The following PLD1 variants were observed in gnomAD, a reference collection of about 807,000 sequenced individuals.
PLD1 encodes the protein choline phosphatase 1.
A neutral mutation model predicts 137.1 loss-of-function variants in PLD1; 112 were observed. That is an observed-to-expected ratio of 0.82 (90% CI 0.70 to 0.96). PLD1 has a LOEUF of 0.96. Ranked by LOEUF, PLD1 falls within the 40% of genes least tolerant of loss-of-function variation. PLD1 has a pLI of 0.00. For missense variants in PLD1, 1,321 were observed against 1,342.0 expected, an observed-to-expected ratio of 0.98 and a Z score of 0.24; for synonymous variants, 431 against 454.7, an observed-to-expected ratio of 0.95 and a Z score of 0.66.
Position 171,659,266 on chromosome 3 carries a change from A to C in PLD1, c.2376T>G (p.Val792=). 1.2e-6 allele frequency: 2 copies of C among 1,613,694 alleles called. No individual in the cohort carries two copies. Among genetic ancestry groups the C allele is most frequent in the African/African-American group, 2.7e-5 (2 of 75,062 alleles). The part of the protein sequence containing the change: ...QFFISCADDK[V]VFNKIGDAIA... ...TGGCATCGCCTATCTTGTTGAACACAACTTTGTCATCAGCACAGCTTATGA... is the reference window on the plus strand; with the variant it reads ...TGGCATCGCCTATCTTGTTGAACACCACTTTGTCATCAGCACAGCTTATGA... Residue 792 remains valine, a synonymous_variant, in exon 21 of 27, where the codon GTT becomes GTG. Transcript: ENST00000351298.
Position 171,776,803 on chromosome 3 carries a change from C to G in PLD1, c.-32+33596G>C, listed in dbSNP as rs141448410. ...AATTGCTCTGAAATCTATTCTAACC[C>G]TGCAAAGTGTAGCATCATTTTGTAA... On this transcript the variant is annotated intron_variant, in intron 1 of 26. Transcript: ENST00000351298. Among the ~76,000 whole-genome samples the G allele has an allele frequency of 4.3e-3, 660 of 152,286 alleles. 1 individual carries two copies. The highest frequency in any genetic ancestry group is 0.015 in the African/African-American group (631 of 41,556).
intron 8 of PLD1, among the ~76,000 whole-genome samples, chr3:171,723,027 T>C (rs972249344): frequency 6.6e-6 from 1 of 152,208 alleles, no homozygotes; most frequent in African/African-American, 2.4e-5. Context: ...TTTATAGTTA[T>C]TGTAAAACAT....
At chr3:171,661,873 G>C (rs1435404771) in intron 20 of PLD1, among the ~76,000 whole-genome samples, 187 bp downstream of exon 20, 2 of 152,188 alleles carry the variant, frequency 1.3e-5, no homozygotes, top group African/African-American at 2.4e-5. Flanking sequence ...TGACAATGCA[G>C]AGCCAGTTCC....
chr3:171,738,680 A>G (rs576638183), intron 1 of PLD1, among the ~76,000 whole-genome samples: 2 of 152,330 alleles, frequency 1.3e-5, no homozygotes, highest in South Asian at 4.1e-4. Flanking sequence ...TGTGTCTTGA[A>G]AGGAAATTGA....
intron 3 of PLD1, among the ~76,000 whole-genome samples, chr3:171,736,579 T>G (rs1484871879): frequency 6.6e-6 from 1 of 152,076 alleles, no homozygotes; most frequent in South Asian, 2.1e-4. Flanking sequence ...AAAATGAGTG[T>G]AAGCTGGGAG....
chr3:171,627,934 C>T (rs551007056), intron 23 of PLD1, among the ~76,000 whole-genome samples: 1 of 152,006 alleles, frequency 6.6e-6, no homozygotes, highest in Non-Finnish European at 1.5e-5. Flanking sequence ...GATACCCTAA[C>T]ATCACAATTA....
At chr3:171,733,356 A>G (rs1321811207) in intron 6 of PLD1, 88 bp downstream of exon 6, 1 of 652,492 alleles carries the variant, frequency 1.5e-6, no homozygotes, top group African/African-American at 1.8e-5. Flanking sequence ...GGATACAATC[A>G]CTTGTGTTAT....
intron 1 of PLD1, among the ~76,000 whole-genome samples, chr3:171,787,673 ATG>A (rs1723060887): frequency 2.0e-5 from 3 of 152,138 alleles, no homozygotes; most frequent in Admixed American, 6.6e-5. Flanking sequence ...TGGTATGTGT[ATG>A]TGTGTTGGGG....
At chr3:171,764,532 C>T (rs1318029650) in intron 1 of PLD1, among the ~76,000 whole-genome samples, 1 of 152,042 alleles carries the variant, frequency 6.6e-6, no homozygotes, top group Non-Finnish European at 1.5e-5. Context: ...ACAACACACT[C>T]ACATTAATGA....
intron 11 of PLD1, among the ~76,000 whole-genome samples, chr3:171,702,883 A>G (rs1242854277): frequency 6.6e-6 from 1 of 152,200 alleles, no homozygotes; most frequent in Non-Finnish European, 1.5e-5. Context: ...TAATGAGGTC[A>G]GCATTATCCT....
intron 19 of PLD1, among the ~76,000 whole-genome samples, chr3:171,673,875 G>A (rs1713053456): frequency 6.6e-6 from 1 of 151,442 alleles, no homozygotes; most frequent in Non-Finnish European, 1.5e-5. Context: ...ATGATCTCAA[G>A]ATATTTGAGC....
chr3:171,611,427 A>C (rs1732647623), intron 25 of PLD1: 1 of 350,334 alleles, frequency 2.9e-6, no homozygotes, highest in African/African-American at 2.1e-5. Flanking sequence ...CTGTGTTGAG[A>C]AAACACAACA....
chr3:171,807,730 C>A (rs888550546), intron 1 of PLD1, among the ~76,000 whole-genome samples: 1 of 152,164 alleles, frequency 6.6e-6, no homozygotes, highest in African/African-American at 2.4e-5. Context: ...GGGTATATAT[C>A]CAAAAGAAAA....
chr3:171,603,044 G>A lies in PLD1; in HGVS notation c.*34C>T, dbSNP rs780296466. ...GTCACTGTGTGCAGTGTGGTCTCCA[G>A]GGTGGAAGTCTTTGAGCTGCCAATG... On this transcript the variant is annotated 3_prime_UTR_variant, in exon 27 of 27. Coordinates refer to ENST00000351298, the MANE Select transcript of PLD1 (RefSeq NM_002662.5). The A allele has an allele frequency of 1.3e-6, 2 of 1,482,576 alleles. No individual in the cohort carries two copies. The highest frequency in any genetic ancestry group is 1.9e-6 in the Non-Finnish European group (2 of 1,064,600). 91.8% of individuals were successfully genotyped at this position (1,482,576 alleles called of 1,614,324 possible). A position where few individuals can be genotyped will look rare whatever the true frequency, so the allele number is the denominator to read the frequency against.
chr3:171,640,378 T>C (rs1735634733), intron 23 of PLD1, among the ~76,000 whole-genome samples: 1 of 152,192 alleles, frequency 6.6e-6, no homozygotes, highest in African/African-American at 2.4e-5. Context: ...TTTTCATTCA[T>C]CTCAAAATAT....
intron 23 of PLD1, among the ~76,000 whole-genome samples, chr3:171,631,654 G>A (rs1245691339): frequency 6.6e-6 from 1 of 152,088 alleles, no homozygotes; most frequent in Non-Finnish European, 1.5e-5. Flanking sequence ...ATGATTAGCG[G>A]GGACATGTCC....
At chr3:171,710,872 C>CTTGTTTTTTTTTTTT (rs1717145497) in intron 9 of PLD1, among the ~76,000 whole-genome samples, 1 of 98,614 alleles carries the variant, frequency 1.0e-5, no homozygotes, top group African/African-American at 4.7e-5. Flanking sequence ...GAAAACTGTT[C>CTTGTTTTTTTTTTTT]TTTTTTTTTT....
intron 21 of PLD1, among the ~76,000 whole-genome samples, 171 bp downstream of exon 21, chr3:171,659,042 C>T (rs1486171304): frequency 6.6e-6 from 1 of 152,142 alleles, no homozygotes; most frequent in Admixed American, 6.5e-5. Context: ...AAAGGGCAGT[C>T]AAAAATCTTT....
At chr3:171,697,279 C>G (rs1417415492) in intron 12 of PLD1, among the ~76,000 whole-genome samples, 5 of 120,094 alleles carry the variant, frequency 4.2e-5, no homozygotes, top group African/African-American at 1.6e-4. Flanking sequence ...GAGTCTTGCT[C>G]TGTTGCCCAG....
Sources: gnomAD v4.1 joint callset for allele counts (sites outside exome capture counted in the v4.1 genomes callset) on GRCh38, gnomAD v4.1.1 for gene constraint, MANE v1.5 for transcripts, NCBI Gene and HGNC (gene_info 2026-07-23, HGNC 2026-07-21) for gene names.